SWSAP1: variants seen among roughly 807,000 people sequenced by gnomAD.
The protein encoded by SWSAP1 is ATPase SWSAP1.
A neutral mutation model predicts 5.6 loss-of-function variants in SWSAP1; 4 were observed. The ratio of observed to expected loss-of-function variants is 0.72; its 90% CI spans 0.35 to 1.64. The LOEUF (loss-of-function observed/expected upper bound fraction) is 1.64. Among genes scored for constraint, SWSAP1 ranks in the 40% most tolerant of loss-of-function variants. The pLI is 0.05. For missense variants in SWSAP1, 354 were observed against 319.8 expected (o/e 1.11, Z -0.82); for synonymous variants, 139 against 143.3 (o/e 0.97, Z 0.22).
chr19:11,375,181 C>T (rs1463811252), intron 1 of SWSAP1, among the ~76,000 whole-genome samples: 2 of 152,120 alleles, frequency 1.3e-5, no homozygotes, highest in African/African-American at 4.8e-5. Flanking sequence ...TCCGGCCCAT[C>T]AAGGGGCGGG....
rs533205973 is a variant in SWSAP1, at chr19:11,375,674, C to T, written c.411C>T (p.Ala137=). 196 of 1,614,236 alleles carry T rather than the reference C, an allele frequency of 1.2e-4. 3 individuals carry two copies. In the South Asian group the frequency reaches 2.1e-3, roughly 17 times the overall value. ...PEPQEAAYLI[A]LLLDTAAHFS... ...CCCAGGAAGCCGCCTACCTCATTGC[C>T]TTACTTCTAGACACAGCTGCCCACT... Residue 137 remains alanine (A), a synonymous_variant, in exon 2 of 2, where the codon GCC becomes GCT. Coordinates refer to ENST00000674460, the MANE Select transcript of SWSAP1 (RefSeq NM_175871.4).
Position 11,376,101 on chromosome 19 carries a change from T to TA in SWSAP1, c.*88dup. The TA allele has an allele frequency of 8.2e-7, 1 of 1,219,812 alleles. No homozygotes were observed. The highest frequency in any genetic ancestry group is 1.1e-6 in the Non-Finnish European group (1 of 896,272). The allele number at this position is 1,219,812 out of a possible 1,614,324, so 75.6% of individuals were successfully genotyped here. On this transcript the variant is annotated 3_prime_UTR_variant, in exon 2 of 2. Transcript: ENST00000674460. ...AGGGACATATGCAGATCCAAAGACC[T>TA]AAACAATGTAAAGTGCTTTTTCTCT...
intron 1 of SWSAP1, 154 bp downstream of exon 1, chr19:11,375,083 G>A (rs1375647806): frequency 3.2e-6 from 3 of 925,062 alleles, no homozygotes; most frequent in African/African-American, 3.3e-5. Flanking sequence ...AGTGAGGAGT[G>A]GCACCACGCG....
chr19:11,375,333 G>GC, intron 1 of SWSAP1, among the ~76,000 whole-genome samples, 180 bp from the exon 2 acceptor site: 1 of 152,272 alleles, frequency 6.6e-6, no homozygotes, highest in South Asian at 2.1e-4. Flanking sequence ...AAAATGGCTT[G>GC]CCCTCAACTA....
intron 1 of SWSAP1, 58 bp downstream of exon 1, chr19:11,374,987 A>G: frequency 6.3e-7 from 1 of 1,592,128 alleles, no homozygotes. Context: ...GATCCGGGAT[A>G]TTGAGTAACA....
chr19:11,375,412 C>T, intron 1 of SWSAP1, 101 bp from the exon 2 acceptor site: 2 of 1,510,746 alleles, frequency 1.3e-6, no homozygotes, highest in Non-Finnish European at 1.8e-6. Context: ...TGAACTGGTT[C>T]ATCCTGGAAC....
Position 11,374,709 on chromosome 19 carries a change from CCAGGGGCGGTGCGG to C in SWSAP1, c.31_44del (p.Arg11LeufsTer90). 6.3e-7 allele frequency: 1 copy of C among 1,577,012 alleles called. No individual in the cohort carries two copies. Among genetic ancestry groups the C allele is most frequent in the South Asian group, 1.1e-5 (1 of 88,824 alleles). On this transcript the variant is annotated frameshift_variant, in exon 1 of 2. Coordinates refer to ENST00000674460, the MANE Select transcript of SWSAP1 (RefSeq NM_175871.4). LOFTEE classifies it high-confidence loss of function. ...GCGGAGACGCTGAGGCGGGTGCTAA[CCAGGGGCGGTGCGG>C]CCTGGTCCGGGGAGGAGAACATGCC...
chr19:11,375,273 GT>G (rs1968263885), intron 1 of SWSAP1, among the ~76,000 whole-genome samples: 1 of 152,098 alleles, frequency 6.6e-6, no homozygotes, highest in Non-Finnish European at 1.5e-5. Context: ...CTGGGGGAGG[GT>G]TTTCCGTGGA....
chr19:11,375,448 G>A, intron 1 of SWSAP1, 65 bp from the exon 2 acceptor site: 1 of 1,531,950 alleles, frequency 6.5e-7, no homozygotes, highest in Non-Finnish European at 8.8e-7. Context: ...AGGAGGCAGG[G>A]TTACTTTTAA....
intron 1 of SWSAP1, 48 bp from the exon 2 acceptor site, chr19:11,375,465 T>G: frequency 6.4e-7 from 1 of 1,552,574 alleles, no homozygotes; most frequent in Non-Finnish European, 8.7e-7. Context: ...TTAAGGAGTC[T>G]GGCTTCCTGT....
rs1968270049 is a variant in SWSAP1 at position 11,375,717 on chromosome 19, C to G, written c.454C>G (p.Pro152Ala). 2 of 1,614,224 alleles carry G rather than the reference C, an allele frequency of 1.2e-6. No homozygotes were observed. Among genetic ancestry groups the G allele is most frequent in the African/African-American group, 2.7e-5 (2 of 75,070 alleles). Residue 152 changes from proline to alanine, a missense_variant, in exon 2 of 2, where the codon CCT becomes GCT. Physicochemically the swap from Pro to Ala is conservative, Grantham distance 27. Coordinates refer to ENST00000674460, the MANE Select transcript of SWSAP1 (RefSeq NM_175871.4). ...TAAHFSHRLG[P>A]GRDCGLMVAL... is the part of the protein sequence containing the mutation. ...TGCCCACTTCAGCCACCGGCTTGGG[C>G]CTGGCCGGGATTGTGGGCTCATGGT...
Position 11,374,818 on chromosome 19 carries a change from G to C in SWSAP1, c.138G>C (p.Ala46=). ...GSGKTALLFA[A]ALEAAGEGQG... Reference sequence around the variant, plus strand: ...GAAAAACAGCGCTGCTATTTGCTGCGGCCCTAGAGGCGGCGGGGGAGGGCC... The same window carrying C: ...GAAAAACAGCGCTGCTATTTGCTGCCGCCCTAGAGGCGGCGGGGGAGGGCC... Residue 46 remains alanine (A), a synonymous_variant, in exon 1 of 2, where the codon GCG becomes GCC. Transcript: ENST00000674460. 1.2e-6 allele frequency: 2 copies of C among 1,613,996 alleles called. No individual in the cohort carries two copies. The highest frequency in any genetic ancestry group is 2.7e-5 in the African/African-American group (2 of 75,064).
At chr19:11,375,483 C>G (rs201973573) in intron 1 of SWSAP1, 30 bp from the exon 2 acceptor site, 1 of 1,577,812 alleles carries the variant, frequency 6.3e-7, no homozygotes, top group Non-Finnish European at 8.6e-7. Flanking sequence ...TGTGCTGAAT[C>G]CGGCCCTTTC....
intron 1 of SWSAP1, among the ~76,000 whole-genome samples, chr19:11,375,243 A>G (rs1031951598): frequency 2.6e-5 from 4 of 152,142 alleles, no homozygotes; most frequent in African/African-American, 9.7e-5. Context: ...AGTGTCAAGG[A>G]TGGGGTCAGA....
At chr19:11,375,007 G>A in intron 1 of SWSAP1, 78 bp downstream of exon 1, 2 of 1,569,006 alleles carry the variant, frequency 1.3e-6, no homozygotes, top group Non-Finnish European at 1.7e-6. Context: ...AGGTAGACAA[G>A]CCAATGGAGA....
At chr19:11,375,117 G>C (rs1968261690) in intron 1 of SWSAP1, among the ~76,000 whole-genome samples, 188 bp downstream of exon 1, 3 of 152,150 alleles carry the variant, frequency 2.0e-5, no homozygotes, top group Non-Finnish European at 4.4e-5. Flanking sequence ...ATTGAAGTGA[G>C]AGCCCATCCA....
rs994648579 is a variant in SWSAP1, at chr19:11,374,676, G to A, written c.-5G>A. The A allele has an allele frequency of 1.4e-5, 21 of 1,513,010 alleles. No individual in the cohort carries two copies. Among genetic ancestry groups the A allele is most frequent in the Non-Finnish European group, 1.8e-5 (20 of 1,131,694 alleles). 93.7% of individuals were successfully genotyped at this position (1,513,010 alleles called of 1,614,324 possible). On this transcript the variant is annotated 5_prime_UTR_variant, in exon 1 of 2. Transcript: ENST00000674460. ...AGCCACCGATTGGTCAGAGCTACGCGGCGAATGGCGGAGACGCTGAGGCGG... is the reference window on the plus strand; with the variant it reads ...AGCCACCGATTGGTCAGAGCTACGCAGCGAATGGCGGAGACGCTGAGGCGG...
Position 11,375,711 on chromosome 19 carries a change from C to G in SWSAP1, c.448C>G (p.Leu150Val), listed in dbSNP as rs1968269986. 6.2e-7 allele frequency: 1 copy of G among 1,614,220 alleles called. No homozygotes were observed. The highest frequency in any genetic ancestry group is 8.5e-7 in the Non-Finnish European group (1 of 1,180,034). ...LDTAAHFSHR[L>V]GPGRDCGLMV... Reference sequence around the variant, plus strand: ...CACAGCTGCCCACTTCAGCCACCGGCTTGGGCCTGGCCGGGATTGTGGGCT... The same window carrying G: ...CACAGCTGCCCACTTCAGCCACCGGGTTGGGCCTGGCCGGGATTGTGGGCT... Residue 150 changes from leucine (L) to valine (V), a missense_variant, in exon 2 of 2, where the codon CTT (leucine) becomes GTT (valine). Transcript: ENST00000674460.
At position 11,376,050 on chromosome 19, in the gene SWSAP1, T is replaced by C; in HGVS notation, c.*34T>C. On this transcript the variant is annotated 3_prime_UTR_variant, in exon 2 of 2. Transcript: ENST00000674460. The stretch of plus-strand genomic sequence containing the variant: ...GGGTGACTACCTCTCTGTGCTTCAG[T>C]TTCCCATGGCTGGAATACTTACCTC... The C allele has an allele frequency of 6.5e-7, 1 of 1,529,862 alleles. No individual in the cohort carries two copies. Among genetic ancestry groups the C allele is most frequent in the Non-Finnish European group, 8.8e-7 (1 of 1,135,634 alleles). The allele number at this position is 1,529,862 out of a possible 1,614,324, so 94.8% of individuals were successfully genotyped here.
Sources: allele counts gnomAD v4.1 joint callset (sites outside exome capture counted in the v4.1 genomes callset), GRCh38; gene constraint gnomAD v4.1.1; transcripts MANE v1.5; gene names NCBI Gene and HGNC (gene_info 2026-07-23, HGNC 2026-07-21).